SRBD1: variants seen among roughly 807,000 people sequenced by gnomAD.
SRBD1 encodes S1 RNA-binding domain-containing protein 1.
Under a neutral mutation model 115.3 loss-of-function variants are expected in SRBD1, and 88 were observed. That is an observed-to-expected ratio of 0.76 (90% CI 0.64 to 0.91). The LOEUF is 0.91. Among genes scored for constraint, SRBD1 ranks in the 40% least tolerant of loss-of-function variants. SRBD1 has a pLI of 0.00. For missense variants in SRBD1, 1,385 were observed against 1,177.4 expected, an observed-to-expected ratio of 1.18 and a Z score of -2.58; for synonymous variants, 509 against 407.7, an observed-to-expected ratio of 1.25 and a Z score of -2.99.
At chr2:45,561,186 T>C (rs1303409935) in intron 10 of SRBD1, among the ~76,000 whole-genome samples, 2 of 152,198 alleles carry the variant, frequency 1.3e-5, no homozygotes, top group Non-Finnish European at 2.9e-5. Context: ...ACTAGTGAAA[T>C]CATACTATAA....
At chr2:45,482,322 C>T (rs550596927) in intron 15 of SRBD1, among the ~76,000 whole-genome samples, 53 of 152,006 alleles carry the variant, frequency 3.5e-4, no homozygotes, top group African/African-American at 1.2e-3. Context: ...TGATTGTCTA[C>T]CTAGAAAACC....
chr2:45,597,270 A>G (rs553971346), intron 4 of SRBD1, among the ~76,000 whole-genome samples: 1 of 152,158 alleles, frequency 6.6e-6, no homozygotes, highest in East Asian at 1.9e-4. Flanking sequence ...AATACAAAAA[A>G]TTAGCCAGGC....
intron 16 of SRBD1, among the ~76,000 whole-genome samples, chr2:45,473,027 A>C (rs1329167594): frequency 6.6e-6 from 1 of 151,036 alleles, no homozygotes; most frequent in Non-Finnish European, 1.5e-5. Flanking sequence ...TTAAAGTCTT[A>C]AGTTCTATTA....
chr2:45,571,007 TGGAAA>T, intron 9 of SRBD1, among the ~76,000 whole-genome samples: 1 of 152,070 alleles, frequency 6.6e-6, no homozygotes, highest in Non-Finnish European at 1.5e-5. Context: ...AAAATAAACT[TGGAAA>T]TGAGATATTT....
intron 20 of SRBD1, 137 bp from the exon 21 acceptor site, chr2:45,389,736 C>T: frequency 2.4e-6 from 2 of 825,298 alleles, no homozygotes; most frequent in Non-Finnish European, 3.7e-6. Context: ...AAAGGAGCTG[C>T]AGACCAACGC....
intron 16 of SRBD1, among the ~76,000 whole-genome samples, chr2:45,448,655 C>T (rs556557623): frequency 6.6e-6 from 1 of 152,270 alleles, no homozygotes; most frequent in African/African-American, 2.4e-5. Flanking sequence ...AGCAAAAATA[C>T]TCTGCTAGTG....
intron 2 of SRBD1, among the ~76,000 whole-genome samples, chr2:45,604,366 C>G (rs1208174151): frequency 8.4e-6 from 1 of 118,716 alleles, no homozygotes; most frequent in Non-Finnish European, 1.6e-5. Context: ...CAGCTACTAA[C>G]AGGGAGGGGA....
intron 18 of SRBD1, among the ~76,000 whole-genome samples, chr2:45,414,775 T>C (rs866719729): frequency 1.0e-3 from 65 of 63,214 alleles, no homozygotes; most frequent in African/African-American, 4.3e-3. Flanking sequence ...ATATAGTATG[T>C]ACACACACAC....
At chr2:45,585,803 A>C in intron 4 of SRBD1, 29 bp from the exon 5 acceptor site, 1 of 1,533,568 alleles carries the variant, frequency 6.5e-7, no homozygotes, top group African/African-American at 1.4e-5. Context: ...TAGTGATTTA[A>C]AATGCTGAAA....
At chr2:45,428,947 A>G (rs1668245676) in intron 16 of SRBD1, among the ~76,000 whole-genome samples, 2 of 152,192 alleles carry the variant, frequency 1.3e-5, no homozygotes, top group African/African-American at 4.8e-5. Flanking sequence ...AGACATAATA[A>G]AAAATGATAA....
chr2:45,454,308 T>C (rs79741875), intron 16 of SRBD1, among the ~76,000 whole-genome samples: 3,624 of 152,012 alleles, frequency 0.024, 150 homozygotes, highest in African/African-American at 0.082. Flanking sequence ...GAGAGTTTTG[T>C]CAATCTCAGG....
At chr2:45,564,793 A>G (rs60540665) in intron 9 of SRBD1, among the ~76,000 whole-genome samples, 10,498 of 152,196 alleles carry the variant, frequency 0.069, 497 homozygotes, top group East Asian at 0.15. Flanking sequence ...AAATACAGTA[A>G]TTGCAGGATC....
chr2:45,589,761 T>C (rs567510425), intron 4 of SRBD1, among the ~76,000 whole-genome samples: 1 of 152,324 alleles, frequency 6.6e-6, no homozygotes, highest in Admixed American at 6.5e-5. Context: ...AAATGTTTTC[T>C]ATATTGATTC....
In SRBD1 at chr2:45,551,116, A is replaced by G. The variant is rs1362623721; in HGVS notation, c.1675+9T>C. ...CAACTTTTACATGGAAAATTGCAAGACAACTTACTAGTAGGAGAAATTATA... is the reference window on the plus strand; with the variant it reads ...CAACTTTTACATGGAAAATTGCAAGGCAACTTACTAGTAGGAGAAATTATA... On this transcript the variant is annotated intron_variant, in intron 12 of 20. Transcript: ENST00000263736. 3.2e-6 allele frequency: 5 copies of G among 1,580,550 alleles called. No individual in the cohort carries two copies. Among genetic ancestry groups the G allele is most frequent in the Non-Finnish European group, 3.4e-6 (4 of 1,169,390 alleles).
At chr2:45,394,454 G>T (rs1276291553) in intron 19 of SRBD1, among the ~76,000 whole-genome samples, 2 of 152,152 alleles carry the variant, frequency 1.3e-5, no homozygotes, top group Admixed American at 6.5e-5. Flanking sequence ...TGATACTAAT[G>T]CCCTCAAATC....
intron 1 of SRBD1, among the ~76,000 whole-genome samples, chr2:45,610,287 A>G (rs1403666254): frequency 2.0e-5 from 3 of 152,254 alleles, no homozygotes; most frequent in African/African-American, 2.4e-5. Context: ...GGAAAAAAAA[A>G]TTTAAATTCA....
chr2:45,514,854 C>G (rs1572721878), intron 14 of SRBD1, among the ~76,000 whole-genome samples: 1 of 152,168 alleles, frequency 6.6e-6, no homozygotes, highest in Non-Finnish European at 1.5e-5. Context: ...TTATACCTTA[C>G]AAATTTAATG....
In SRBD1 at chr2:45,460,997, C is replaced by T. The variant is rs148314073; in HGVS notation, c.2049+15996G>A. On this transcript the variant is annotated intron_variant, in intron 16 of 20. Coordinates refer to ENST00000263736, the MANE Select transcript of SRBD1 (RefSeq NM_018079.5). Reference sequence around the variant, plus strand: ...ATGACCGAATAACAACCCAACCAGGCGTGCCAGCGCTCCCTCCCAGTCTAC... The same window carrying T: ...ATGACCGAATAACAACCCAACCAGGTGTGCCAGCGCTCCCTCCCAGTCTAC... Among the ~76,000 whole-genome samples, 754 of 152,292 alleles carry T rather than the reference C, an allele frequency of 5.0e-3. 5 individuals carry two copies. Among genetic ancestry groups the T allele is most frequent in the African/African-American group, 0.017 (693 of 41,556 alleles).
intron 9 of SRBD1, among the ~76,000 whole-genome samples, chr2:45,570,598 C>T (rs542467572): frequency 5.3e-5 from 8 of 152,222 alleles, no homozygotes; most frequent in South Asian, 2.1e-4. Context: ...TTAACTTTTT[C>T]GCAACTATGG....
Sources: allele counts gnomAD v4.1 joint callset (sites outside exome capture counted in the v4.1 genomes callset), GRCh38; gene constraint gnomAD v4.1.1; transcripts MANE v1.5; gene names NCBI Gene and HGNC (gene_info 2026-07-23, HGNC 2026-07-21).